The following ANGPT1 variants were observed in gnomAD, a reference collection of about 807,000 sequenced individuals.
The protein encoded by ANGPT1 is angiopoietin 1.
In ANGPT1, 17 loss-of-function variants were observed where a neutral mutation model predicts 62.2. The ratio of observed to expected loss-of-function variants is 0.27; its 90% CI spans 0.19 to 0.41. The LOEUF is 0.41. Ranked by LOEUF, ANGPT1 falls within the 10% of genes least tolerant of loss-of-function variation. The probability of loss-of-function intolerance (pLI) is 1.00; values close to 1 mark genes in which losing one functional copy is unlikely to be tolerated. For missense variants in ANGPT1, 478 were observed against 594.9 expected, an observed-to-expected ratio of 0.80 and a Z score of 2.04; for synonymous variants, 199 against 198.9, an observed-to-expected ratio of 1.00 and a Z score of 0.00.
At chr8:107,459,482 C>T (rs568822647) in intron 1 of ANGPT1, among the ~76,000 whole-genome samples, 1 of 124,516 alleles carries the variant, frequency 8.0e-6, no homozygotes, top group South Asian at 2.6e-4. Context: ...GAGTGAGACT[C>T]CTTATCAAAC....
At chr8:107,396,643 C>T (rs1429595256) in intron 1 of ANGPT1, among the ~76,000 whole-genome samples, 1 of 150,956 alleles carries the variant, frequency 6.6e-6, no homozygotes, top group Non-Finnish European at 1.5e-5. Context: ...GCTTCAGCCT[C>T]CCAAGTAGCT....
intron 1 of ANGPT1, among the ~76,000 whole-genome samples, chr8:107,482,547 A>T (rs1812717338): frequency 6.6e-6 from 1 of 152,190 alleles, no homozygotes; most frequent in African/African-American, 2.4e-5. Flanking sequence ...GTAGTGCACA[A>T]GATGGGAATT....
intron 7 of ANGPT1, 124 bp downstream of exon 7, chr8:107,284,558 G>T: frequency 2.1e-6 from 2 of 944,028 alleles, no homozygotes; most frequent in Non-Finnish European, 2.8e-6. Context: ...AATAGGTCTA[G>T]ACAAAAAAAA....
At chr8:107,430,325 T>G (rs1160313610) in intron 1 of ANGPT1, among the ~76,000 whole-genome samples, 2 of 152,322 alleles carry the variant, frequency 1.3e-5, no homozygotes, top group African/African-American at 4.8e-5. Flanking sequence ...GTTCTTTCTG[T>G]ACCATCCTCG....
chr8:107,490,632 T>C (rs1241564235), intron 1 of ANGPT1, among the ~76,000 whole-genome samples: 2 of 152,186 alleles, frequency 1.3e-5, no homozygotes, highest in Non-Finnish European at 2.9e-5. Context: ...GTCCCAATAC[T>C]AATACTAATT....
At position 107,497,835 on chromosome 8, in the gene ANGPT1, A is replaced by T. The variant is rs1813156736; in HGVS notation, c.-277T>A. The T allele has an allele frequency of 1.8e-6, 1 of 555,978 alleles. No individual in the cohort carries two copies. Among genetic ancestry groups the T allele is most frequent in the Admixed American group, 3.5e-5 (1 of 28,628 alleles). 34.4% of individuals were successfully genotyped at this position (555,978 alleles called of 1,614,324 possible). On this transcript the variant is annotated 5_prime_UTR_variant, in exon 1 of 9. Transcript: ENST00000517746. Reference sequence around the variant, plus strand: ...AGATTTATTGTTTCCTCTCTGTGTGACCGTTCAGCATGGAGCCTGCCTGAG... The same window carrying T: ...AGATTTATTGTTTCCTCTCTGTGTGTCCGTTCAGCATGGAGCCTGCCTGAG...
intron 3 of ANGPT1, among the ~76,000 whole-genome samples, chr8:107,325,370 T>TA (rs1815262814): frequency 6.6e-6 from 1 of 152,196 alleles, no homozygotes; most frequent in Non-Finnish European, 1.5e-5. Flanking sequence ...GTTGTTAACT[T>TA]ATAAGAAAAT....
At chr8:107,474,481 C>T (rs1278574507) in intron 1 of ANGPT1, among the ~76,000 whole-genome samples, 1 of 152,118 alleles carries the variant, frequency 6.6e-6, no homozygotes, top group African/African-American at 2.4e-5. Context: ...CAATATCATA[C>T]TGAATGGACA....
intron 2 of ANGPT1, among the ~76,000 whole-genome samples, chr8:107,337,377 T>C (rs1815592146): frequency 6.6e-6 from 1 of 152,166 alleles, no homozygotes; most frequent in Non-Finnish European, 1.5e-5. Flanking sequence ...TCAATTCATC[T>C]TGAATCACAA....
At chr8:107,350,020 G>C (rs570454034) in intron 1 of ANGPT1, among the ~76,000 whole-genome samples, 3 of 152,046 alleles carry the variant, frequency 2.0e-5, no homozygotes, top group Non-Finnish European at 2.9e-5. Flanking sequence ...GCCATGAAAT[G>C]AGGAGTTTGC....
intron 1 of ANGPT1, among the ~76,000 whole-genome samples, chr8:107,447,864 GT>G (rs1811661508): frequency 6.6e-6 from 1 of 152,198 alleles, no homozygotes. Flanking sequence ...GACTACCTGT[GT>G]CTGAGTAAGT....
chr8:107,387,463 A>G (rs1450511161), intron 1 of ANGPT1, among the ~76,000 whole-genome samples: 1 of 152,092 alleles, frequency 6.6e-6, no homozygotes, highest in East Asian at 1.9e-4. Context: ...TTTCAAGCAA[A>G]TAATTCTTAA....
intron 4 of ANGPT1, among the ~76,000 whole-genome samples, chr8:107,311,783 A>T (rs1179411473): frequency 6.6e-6 from 1 of 152,098 alleles, no homozygotes; most frequent in East Asian, 1.9e-4. Flanking sequence ...ATGGGGAAAA[A>T]GCTGGGTGCG....
At chr8:107,347,156 A>T in intron 1 of ANGPT1, 59 bp from the exon 2 acceptor site, 2 of 1,523,258 alleles carry the variant, frequency 1.3e-6, no homozygotes, top group Non-Finnish European at 1.8e-6. Context: ...CAGTTCGGGC[A>T]TGTAATATTT....
At chr8:107,302,304 T>C (rs1586203575) in intron 5 of ANGPT1, among the ~76,000 whole-genome samples, 1 of 151,898 alleles carries the variant, frequency 6.6e-6, no homozygotes, top group East Asian at 1.9e-4. Context: ...GGGAGGACAG[T>C]TGTTTTATCC....
chr8:107,358,438 A>G (rs1157914245), intron 1 of ANGPT1, among the ~76,000 whole-genome samples: 1 of 152,098 alleles, frequency 6.6e-6, no homozygotes, highest in Non-Finnish European at 1.5e-5. Context: ...CATCTTTCAC[A>G]AAGGCCATTT....
chr8:107,356,308 T>G (rs183961581), intron 1 of ANGPT1, among the ~76,000 whole-genome samples: 1 of 152,214 alleles, frequency 6.6e-6, no homozygotes, highest in African/African-American at 2.4e-5. Context: ...TCTTAATCAT[T>G]GCTTCATACA....
chr8:107,451,450 T>C (rs1811776904), intron 1 of ANGPT1, among the ~76,000 whole-genome samples: 1 of 151,940 alleles, frequency 6.6e-6, no homozygotes, highest in Admixed American at 6.6e-5. Context: ...GGTTAATTTA[T>C]GACAAGGGGA....
chr8:107,288,302 C>T (rs557811237), intron 6 of ANGPT1, among the ~76,000 whole-genome samples: 1 of 152,182 alleles, frequency 6.6e-6, no homozygotes, highest in South Asian at 2.1e-4. Context: ...CTTATTCTTA[C>T]CTTTGCTTCC....
Sources: allele counts gnomAD v4.1 joint callset (sites outside exome capture counted in the v4.1 genomes callset), GRCh38; gene constraint gnomAD v4.1.1; transcripts MANE v1.5; gene names NCBI Gene and HGNC (gene_info 2026-07-23, HGNC 2026-07-21).